Variants in SYT14 observed in about 807,000 individuals in gnomAD.
SYT14 encodes synaptotagmin-14.
SYT14 carries 32 observed loss-of-function variants against 74.2 expected under a neutral mutation model. The observed-to-expected ratio is 0.43, with a 90% confidence interval of 0.33 to 0.58. The LOEUF (loss-of-function observed/expected upper bound fraction) is 0.58. Ranked by LOEUF, SYT14 falls within the 20% of genes least tolerant of loss-of-function variation. The pLI is 0.05. For synonymous variants in SYT14, 298 were observed against 337.7 expected (o/e 0.88, Z 1.29); for missense variants, 791 against 981.8 (o/e 0.81, Z 2.60).
intron 2 of SYT14, among the ~76,000 whole-genome samples, chr1:209,960,957 G>C (rs189479239): frequency 9.2e-5 from 14 of 152,142 alleles, no homozygotes; most frequent in Non-Finnish European, 7.4e-5. Flanking sequence ...GGCTGAACTT[G>C]GTGCTGCTTT....
At chr1:210,140,376 T>G (rs2082889876) in intron 7 of SYT14, among the ~76,000 whole-genome samples, 1 of 152,190 alleles carries the variant, frequency 6.6e-6, no homozygotes, top group African/African-American at 2.4e-5. Flanking sequence ...TCTTTATTTT[T>G]GAGCTGTAAG....
At chr1:210,050,032 T>G (rs769720291) in intron 5 of SYT14, among the ~76,000 whole-genome samples, 32 of 152,346 alleles carry the variant, frequency 2.1e-4, no homozygotes, top group Non-Finnish European at 4.4e-4. Flanking sequence ...CTCATGCAAA[T>G]TTCTACAGCT....
In SYT14 at chr1:209,939,448, T is replaced by A. The variant is rs537003169; in HGVS notation, c.-534+1171T>A. Among the ~76,000 whole-genome samples, 51 of 152,384 alleles carry A rather than the reference T, an allele frequency of 3.3e-4. No homozygotes were observed. In the South Asian group the frequency reaches 5.0e-3, roughly 15 times the overall value. On this transcript the variant is annotated intron_variant, in intron 1 of 9. Transcript: ENST00000637265. ...GGACTCCAAAGTAGAGTTAGCTGTG[T>A]GTTTACATGTAGCTTATTTATTTAA...
intron 5 of SYT14, among the ~76,000 whole-genome samples, chr1:210,057,291 T>C (rs2081117526): frequency 6.6e-6 from 1 of 152,204 alleles, no homozygotes; most frequent in South Asian, 2.1e-4. Flanking sequence ...AATTTGGTCA[T>C]CATGCATCAT....
intron 2 of SYT14, among the ~76,000 whole-genome samples, chr1:209,964,133 G>A (rs574582931): frequency 6.6e-6 from 1 of 152,184 alleles, no homozygotes; most frequent in Non-Finnish European, 1.5e-5. Context: ...GGATCATGGG[G>A]GCAGGTTCCC....
chr1:210,089,871 C>T (rs574638501), intron 5 of SYT14, among the ~76,000 whole-genome samples: 4 of 152,252 alleles, frequency 2.6e-5, no homozygotes, highest in South Asian at 2.1e-4. Context: ...CATAGTGAAA[C>T]GAAAGTACAC....
At chr1:210,022,460 C>G (rs749056533) in intron 5 of SYT14, among the ~76,000 whole-genome samples, 1 of 152,128 alleles carries the variant, frequency 6.6e-6, no homozygotes, top group Non-Finnish European at 1.5e-5. Flanking sequence ...TTAAATAATA[C>G]AAAGCAGTAA....
chr1:210,034,017 TAAA>T (rs1020828278), intron 5 of SYT14, among the ~76,000 whole-genome samples: 3 of 151,838 alleles, frequency 2.0e-5, no homozygotes, highest in African/African-American at 4.8e-5. Context: ...AGTACACTAA[TAAA>T]AAGTATAGTT....
At chr1:210,039,695 C>A (rs2080744800) in intron 5 of SYT14, among the ~76,000 whole-genome samples, 2 of 152,150 alleles carry the variant, frequency 1.3e-5, no homozygotes, top group Admixed American at 1.3e-4. Flanking sequence ...AAAAAACAAA[C>A]AACTTCATCG....
chr1:210,093,882 C>T (rs548825349), intron 5 of SYT14, among the ~76,000 whole-genome samples: 1 of 152,108 alleles, frequency 6.6e-6, no homozygotes, highest in African/African-American at 2.4e-5. Context: ...TAGGTGAGTT[C>T]TTGTTGAACA....
exon 10 of SYT14, chr1:210,161,002 G>A: frequency 6.2e-7 from 1 of 1,613,906 alleles, no homozygotes; most frequent in South Asian, 1.1e-5. Flanking sequence ...GAGTCAAAAG[G>A]ACAGCAAGTA....
intron 5 of SYT14, among the ~76,000 whole-genome samples, chr1:210,022,721 T>C (rs2080329099): frequency 6.6e-6 from 1 of 152,242 alleles, no homozygotes; most frequent in Admixed American, 6.5e-5. Flanking sequence ...TAGTGTCCGA[T>C]AGCTAATAGG....
At chr1:209,996,649 A>C (rs922657376) in intron 2 of SYT14, among the ~76,000 whole-genome samples, 16 of 152,216 alleles carry the variant, frequency 1.1e-4, no homozygotes, top group African/African-American at 3.9e-4. Flanking sequence ...GCAAAGACAC[A>C]ACAAAAAAAG....
chr1:210,064,300 A>G (rs953352161), intron 5 of SYT14, among the ~76,000 whole-genome samples: 1 of 151,934 alleles, frequency 6.6e-6, no homozygotes, highest in Non-Finnish European at 1.5e-5. Context: ...AAAATTTACC[A>G]TCTTTAAAGT....
chr1:210,004,297 A>G (rs771973217), intron 2 of SYT14, among the ~76,000 whole-genome samples: 3 of 151,998 alleles, frequency 2.0e-5, no homozygotes, highest in African/African-American at 7.2e-5. Flanking sequence ...AGAATTAGCA[A>G]TCATGCCCTA....
At chr1:209,991,009 G>A (rs1398591575) in intron 2 of SYT14, among the ~76,000 whole-genome samples, 2 of 152,092 alleles carry the variant, frequency 1.3e-5, no homozygotes, top group Non-Finnish European at 2.9e-5. Flanking sequence ...CTTTGATAAA[G>A]TCAACAAAAT....
intron 2 of SYT14, among the ~76,000 whole-genome samples, chr1:209,976,804 G>A (rs2079374416): frequency 1.3e-5 from 2 of 152,122 alleles, no homozygotes; most frequent in South Asian, 2.1e-4. Flanking sequence ...TGACAGTGGG[G>A]TGTTAAAGTC....
intron 2 of SYT14, among the ~76,000 whole-genome samples, chr1:209,966,313 C>T (rs909687143): frequency 2.6e-5 from 4 of 152,098 alleles, no homozygotes; most frequent in Non-Finnish European, 5.9e-5. Flanking sequence ...TTCGCTCTTC[C>T]AGACCCTTTG....
intron 2 of SYT14, among the ~76,000 whole-genome samples, chr1:209,986,658 C>A (rs1319311782): frequency 6.6e-6 from 1 of 151,958 alleles, no homozygotes; most frequent in Non-Finnish European, 1.5e-5. Flanking sequence ...AATCATCTTT[C>A]TTTTTTTCTT....
Sources: gnomAD v4.1 joint callset for allele counts (sites outside exome capture counted in the v4.1 genomes callset) on GRCh38, gnomAD v4.1.1 for gene constraint, MANE v1.5 for transcripts, NCBI Gene and HGNC (gene_info 2026-07-23, HGNC 2026-07-21) for gene names.